XKR6: variants seen among roughly 807,000 people sequenced by gnomAD.
XKR6 encodes the protein XK-related protein 6.
XKR6 carries 22 observed loss-of-function variants against 56.7 expected under a neutral mutation model. That is an observed-to-expected ratio of 0.39 (90% CI 0.28 to 0.55). The LOEUF is 0.55. XKR6 is among the 20% of genes least tolerant of loss of function. XKR6 has a pLI of 0.66. For synonymous variants in XKR6, 524 were observed against 387.8 expected (o/e 1.35, Z -4.13); for missense variants, 852 against 889.0 (o/e 0.96, Z 0.53).
chr8:11,174,096 G>A (rs961440732), intron 1 of XKR6, among the ~76,000 whole-genome samples: 5 of 152,146 alleles, frequency 3.3e-5, no homozygotes, highest in Non-Finnish European at 7.3e-5. Context: ...GGTCCAACTC[G>A]ATTAATTTCT....
intron 1 of XKR6, among the ~76,000 whole-genome samples, chr8:11,093,012 TTTCTC>T (rs1385144737): frequency 1.3e-5 from 2 of 151,676 alleles, no homozygotes; most frequent in Non-Finnish European, 2.9e-5. Flanking sequence ...CTTGCTTTTC[TTTCTC>T]TTTTCTTTTT....
At chr8:10,918,193 G>T (rs113537468) in intron 2 of XKR6, among the ~76,000 whole-genome samples, 1 of 152,176 alleles carries the variant, frequency 6.6e-6, no homozygotes, top group South Asian at 2.1e-4. Flanking sequence ...CAGGGTCCTG[G>T]GGAGCTGGAG....
At chr8:11,160,547 C>G (rs543427067) in intron 1 of XKR6, among the ~76,000 whole-genome samples, 1 of 152,274 alleles carries the variant, frequency 6.6e-6, no homozygotes, top group African/African-American at 2.4e-5. Flanking sequence ...CTTTGTATAG[C>G]TCAGATAAAG....
At chr8:10,996,193 C>G (rs1339644269) in intron 1 of XKR6, among the ~76,000 whole-genome samples, 1 of 152,084 alleles carries the variant, frequency 6.6e-6, no homozygotes, top group Non-Finnish European at 1.5e-5. Flanking sequence ...AGAAATTGAC[C>G]AAAATATTGC....
At chr8:10,953,019 A>G (rs996807920) in intron 1 of XKR6, among the ~76,000 whole-genome samples, 4 of 152,146 alleles carry the variant, frequency 2.6e-5, no homozygotes, top group Admixed American at 2.0e-4. Flanking sequence ...ATGATCTGTC[A>G]CTGTCTCCAT....
chr8:11,168,603 G>A (rs940881169), intron 1 of XKR6, among the ~76,000 whole-genome samples: 3 of 152,056 alleles, frequency 2.0e-5, no homozygotes, highest in African/African-American at 7.2e-5. Flanking sequence ...TTCTTCTAAA[G>A]TTTACATGGA....
chr8:10,909,342 C>G (rs147231544), intron 2 of XKR6, among the ~76,000 whole-genome samples: 10 of 152,282 alleles, frequency 6.6e-5, no homozygotes, highest in African/African-American at 2.4e-4. Flanking sequence ...ATTACCCAGT[C>G]TGTTGTATTA....
At chr8:11,189,683 C>A (rs930584057) in intron 1 of XKR6, among the ~76,000 whole-genome samples, 3 of 152,200 alleles carry the variant, frequency 2.0e-5, no homozygotes, top group African/African-American at 7.2e-5. Context: ...CAGAAATCAG[C>A]CTGTACAACT....
At chr8:11,127,344 A>G (rs145346808) in intron 1 of XKR6, among the ~76,000 whole-genome samples, 49 of 152,364 alleles carry the variant, frequency 3.2e-4, no homozygotes, top group African/African-American at 1.1e-3. Flanking sequence ...TCACCACATA[A>G]TAAGTTACCC....
At chr8:11,148,769 C>G (rs1391881015) in intron 1 of XKR6, among the ~76,000 whole-genome samples, 1 of 152,124 alleles carries the variant, frequency 6.6e-6, no homozygotes, top group African/African-American at 2.4e-5. Context: ...AAACTGCAGA[C>G]AACACAAGTA....
chr8:11,169,561 T>G (rs1183637219), intron 1 of XKR6, among the ~76,000 whole-genome samples: 2 of 152,192 alleles, frequency 1.3e-5, no homozygotes, highest in Admixed American at 1.3e-4. Flanking sequence ...ACAATTCCAC[T>G]TACATGAGGC....
chr8:11,050,226 G>T (rs1799511039), intron 1 of XKR6, among the ~76,000 whole-genome samples: 1 of 152,192 alleles, frequency 6.6e-6, no homozygotes, highest in Non-Finnish European at 1.5e-5. Context: ...ATACAGGGAG[G>T]GGCAATGTAA....
At position 11,201,181 on chromosome 8, in the gene XKR6, C is replaced by G; in HGVS notation, c.159G>C (p.Ser53=). 6.5e-7 allele frequency: 1 copy of G among 1,527,754 alleles called. No homozygotes were observed. The highest frequency in any genetic ancestry group is 8.7e-7 in the Non-Finnish European group (1 of 1,143,994). The allele number at this position is 1,527,754 out of a possible 1,614,324, so 94.6% of individuals were successfully genotyped here. ...TGTTGCAGCAGTGGCAGATGTGCAT[C>G]GAGCTGCTCTCGCCGGGCTCGCTGC... ...GDGSEPGESS[S]MHICHCCNTS... is the part of the protein sequence containing the mutation. The change falls in exon 1 of 3, where the codon TCG becomes TCC. Residue 53 remains serine, a synonymous_variant. Coordinates refer to ENST00000416569, the MANE Select transcript of XKR6 (RefSeq NM_173683.4).
chr8:10,939,730 C>T (rs1170325717), intron 1 of XKR6, among the ~76,000 whole-genome samples: 1 of 152,230 alleles, frequency 6.6e-6, no homozygotes, highest in African/African-American at 2.4e-5. Flanking sequence ...CTGCTTTCGA[C>T]CAGAGACCAG....
chr8:11,191,998 GT>G (rs1435323185), intron 1 of XKR6, among the ~76,000 whole-genome samples: 1 of 152,094 alleles, frequency 6.6e-6, no homozygotes, highest in African/African-American at 2.4e-5. Flanking sequence ...TAGGATATGT[GT>G]TAAATACACA....
chr8:11,167,107 G>A (rs776957019), intron 1 of XKR6, among the ~76,000 whole-genome samples: 10 of 152,072 alleles, frequency 6.6e-5, no homozygotes, highest in Non-Finnish European at 1.3e-4. Flanking sequence ...TCGAAAAAAT[G>A]TCAGAGTAGA....
chr8:11,140,916 A>C (rs1264189938), intron 1 of XKR6, among the ~76,000 whole-genome samples: 1 of 151,048 alleles, frequency 6.6e-6, no homozygotes, highest in African/African-American at 2.4e-5. Context: ...AAAAAAAAAA[A>C]CCTTCCTGAG....
intron 1 of XKR6, among the ~76,000 whole-genome samples, chr8:11,131,317 T>C (rs1800091682): frequency 6.6e-6 from 1 of 152,140 alleles, no homozygotes; most frequent in Non-Finnish European, 1.5e-5. Flanking sequence ...TAGCTTCCTA[T>C]GTGGAACTGT....
chr8:10,912,883 T>G (rs1800448226), intron 2 of XKR6, among the ~76,000 whole-genome samples: 1 of 149,460 alleles, frequency 6.7e-6, no homozygotes. Context: ...AGAAAGAGGG[T>G]GTGTGTGTTT....
Sources: gnomAD v4.1 joint callset for allele counts (sites outside exome capture counted in the v4.1 genomes callset) on GRCh38, gnomAD v4.1.1 for gene constraint, MANE v1.5 for transcripts, NCBI Gene and HGNC (gene_info 2026-07-23, HGNC 2026-07-21) for gene names.